Variants in CAMTA1 observed in about 807,000 individuals in gnomAD.
The protein encoded by CAMTA1 is calmodulin-binding transcription activator 1.
CAMTA1 carries 27 observed loss-of-function variants against 170.9 expected under a neutral mutation model. That is an observed-to-expected ratio of 0.16 (90% confidence interval 0.12 to 0.22). The LOEUF (loss-of-function observed/expected upper bound fraction) is 0.22. CAMTA1 is among the 10% of genes least tolerant of loss of function. The pLI is 1.00. For missense variants in CAMTA1, 1,619 were observed against 2,217.2 expected (o/e 0.73, Z 5.42); for synonymous variants, 833 against 891.5 (o/e 0.93, Z 1.17).
At chr1:6,820,100 A>G (rs1646314415) in intron 1 of CAMTA1, 81 bp from the exon 2 acceptor site, 1 of 845,712 alleles carries the variant, frequency 1.2e-6, no homozygotes, top group Non-Finnish European at 2.0e-6. Context: ...CAGGTTTTGC[A>G]TCTTGGCAGG....
intron 11 of CAMTA1, among the ~76,000 whole-genome samples, chr1:7,724,309 C>T (rs1245600655): frequency 6.6e-6 from 1 of 152,134 alleles, no homozygotes; most frequent in East Asian, 1.9e-4. Context: ...CTCTAATATA[C>T]CAATACTAGT....
At chr1:7,341,447 A>G (rs997991853) in intron 5 of CAMTA1, among the ~76,000 whole-genome samples, 3 of 152,230 alleles carry the variant, frequency 2.0e-5, no homozygotes, top group African/African-American at 7.2e-5. Context: ...AAATATTTCC[A>G]TTCTGTTTGA....
intron 3 of CAMTA1, among the ~76,000 whole-genome samples, chr1:7,048,100 G>C (rs909290844): frequency 2.6e-5 from 4 of 152,104 alleles, no homozygotes; most frequent in African/African-American, 7.2e-5. Context: ...GCGAGGGGAG[G>C]GGGGTGGTCA....
intron 6 of CAMTA1, among the ~76,000 whole-genome samples, chr1:7,529,331 C>G (rs1476483367): frequency 1.1e-4 from 17 of 152,034 alleles, no homozygotes; most frequent in Non-Finnish European, 5.9e-5. Context: ...CATCTCTCCT[C>G]TTGTGTGAGC....
chr1:7,500,736 G>T (rs2093992475), intron 6 of CAMTA1, among the ~76,000 whole-genome samples: 1 of 152,128 alleles, frequency 6.6e-6, no homozygotes, highest in South Asian at 2.1e-4. Context: ...ATGGAGGGAG[G>T]GCCGGTGTTC....
At position 6,931,223 on chromosome 1, in the gene CAMTA1, A is replaced by C. The variant is rs145674997; in HGVS notation, c.234+106013A>C. On this transcript the variant is annotated intron_variant, in intron 3 of 22. Coordinates refer to ENST00000303635, the MANE Select transcript of CAMTA1 (RefSeq NM_015215.4). ...ATGTGCCTGTGGGTGTGGGTAAGTA[A>C]ATGCAGAAGCTATTTAGCATTCTAG... 1.7e-3 allele frequency among the ~76,000 whole-genome samples: 266 copies of C among 152,308 alleles called. 1 individual carries two copies. The highest frequency in any genetic ancestry group is 3.8e-3 in the Admixed American group (58 of 15,300).
intron 5 of CAMTA1, among the ~76,000 whole-genome samples, chr1:7,326,191 T>C (rs1679237667): frequency 6.6e-6 from 1 of 152,194 alleles, no homozygotes; most frequent in South Asian, 2.1e-4. Flanking sequence ...CTTAAGCTTA[T>C]ACAATTTTGA....
rs2095190417 is a variant in CAMTA1 at position 7,576,182 on chromosome 1, G to C, written c.511-64218G>C. ...CACCACCACGCCTGGCTAATTTTTT[G>C]TATTTTTAGTAGAGACGGGGTTCCT... is the stretch of plus-strand genomic sequence containing the variant. On this transcript the variant is annotated intron_variant, in intron 6 of 22. Coordinates refer to ENST00000303635, the MANE Select transcript of CAMTA1 (RefSeq NM_015215.4). Among the ~76,000 whole-genome samples, 5 of 152,174 alleles carry C rather than the reference G, an allele frequency of 3.3e-5. No homozygotes were observed. In the South Asian group the frequency reaches 1.0e-3, roughly 32 times the overall value.
At chr1:7,255,988 C>CGTCT (rs1667314593) in intron 5 of CAMTA1, among the ~76,000 whole-genome samples, 1 of 152,146 alleles carries the variant, frequency 6.6e-6, no homozygotes, top group Non-Finnish European at 1.5e-5. Flanking sequence ...GTACAGGGAG[C>CGTCT]GTCTGTTCAG....
intron 6 of CAMTA1, among the ~76,000 whole-genome samples, chr1:7,626,151 A>G (rs2148819187): frequency 6.6e-6 from 1 of 152,306 alleles, no homozygotes; most frequent in African/African-American, 2.4e-5. Context: ...AAAAAAACAT[A>G]CAGCCCAATT....
Position 7,738,173 on chromosome 1 carries a change from A to G in CAMTA1, c.3873A>G (p.Glu1291=). 1 of 1,614,046 alleles carries G rather than the reference A, an allele frequency of 6.2e-7. No individual in the cohort carries two copies. The highest frequency in any genetic ancestry group is 8.5e-7 in the Non-Finnish European group (1 of 1,179,984). Residue 1291 remains glutamate, a synonymous_variant, in exon 16 of 23, where the codon GAA becomes GAG. Coordinates refer to ENST00000303635, the MANE Select transcript of CAMTA1 (RefSeq NM_015215.4). The surrounding 1 kb of genome is among the most constrained non-coding windows in gnomAD (Gnocchi z 4.9). ...QSVPETLSPS[E]GVRDFSRELS... is the part of the protein sequence containing the mutation. ...TCCCCGAGACACTCAGCCCCAGTGA[A>G]GGAGTGAGGGACTTCAGCCGGGAAC...
intron 5 of CAMTA1, among the ~76,000 whole-genome samples, chr1:7,459,446 G>C (rs1241863614): frequency 6.6e-6 from 1 of 152,332 alleles, no homozygotes; most frequent in South Asian, 2.1e-4. Context: ...TGTACCTGCT[G>C]CTGGTTAGGG....
In CAMTA1 at chr1:6,846,304, TC is replaced by T. The variant is rs568944246; in HGVS notation, c.234+21095del. Among the ~76,000 whole-genome samples the T allele has an allele frequency of 2.6e-4, 40 of 152,382 alleles. 1 individual carries two copies. Among genetic ancestry groups the T allele is most frequent in the African/African-American group, 7.5e-4 (31 of 41,592 alleles). The stretch of plus-strand genomic sequence containing the variant: ...TTTCATATCAAATCTGTTTTGATAA[TC>T]TGAGATATTCTCATCATCTCAAACT... On this transcript the variant is annotated intron_variant, in intron 3 of 22. Transcript: ENST00000303635.
intron 4 of CAMTA1, among the ~76,000 whole-genome samples, chr1:7,162,111 AG>A (rs1647317423): frequency 6.6e-6 from 1 of 152,286 alleles, no homozygotes; most frequent in African/African-American, 2.4e-5. Flanking sequence ...TTGATGTGTT[AG>A]AGGAATAGAA....
chr1:7,334,522 G>C (rs568717608), intron 5 of CAMTA1, among the ~76,000 whole-genome samples: 37 of 152,304 alleles, frequency 2.4e-4, no homozygotes, highest in African/African-American at 8.7e-4. Flanking sequence ...TATCACAGTT[G>C]AACATACAGT....
Position 7,587,386 on chromosome 1 carries a change from C to A in CAMTA1, c.511-53014C>A, listed in dbSNP as rs1245611534. The stretch of plus-strand genomic sequence containing the variant: ...CTTTGCTCACAGATCCATCTAAACC[C>A]AATTACCGGGAGTGTGGGGCCTGCG... On this transcript the variant is annotated intron_variant, in intron 6 of 22. Coordinates refer to ENST00000303635, the MANE Select transcript of CAMTA1 (RefSeq NM_015215.4). Among the ~76,000 whole-genome samples the A allele has an allele frequency of 2.6e-5, 4 of 152,094 alleles. No homozygotes were observed. The South Asian group carries it at 6.2e-4, about 24-fold the overall frequency.
At chr1:7,313,144 G>T (rs1167351280) in intron 5 of CAMTA1, among the ~76,000 whole-genome samples, 1 of 152,136 alleles carries the variant, frequency 6.6e-6, no homozygotes, top group African/African-American at 2.4e-5. Context: ...TGGCTAACAT[G>T]AATTTCCTCT....
At chr1:7,652,194 A>G (rs2095852672) in intron 7 of CAMTA1, among the ~76,000 whole-genome samples, 1 of 152,138 alleles carries the variant, frequency 6.6e-6, no homozygotes, top group African/African-American at 2.4e-5. Flanking sequence ...ACCAGGCACA[A>G]AGCCTGCTGC....
chr1:7,257,076 C>G (rs917585232), intron 5 of CAMTA1, among the ~76,000 whole-genome samples: 132 of 135,162 alleles, frequency 9.8e-4, no homozygotes, highest in Non-Finnish European at 1.6e-3. Context: ...CATCGCATGG[C>G]GGGGGCGGGG....
Sources: allele counts gnomAD v4.1 joint callset (sites outside exome capture counted in the v4.1 genomes callset), GRCh38; gene constraint gnomAD v4.1.1; non-coding constraint Gnocchi (gnomAD v3.1); transcripts MANE v1.5; gene names NCBI Gene and HGNC (gene_info 2026-07-23, HGNC 2026-07-21).